Variants in RASSF2 observed in about 807,000 individuals in gnomAD.
RASSF2 encodes the protein ras association domain-containing protein 2.
A neutral mutation model predicts 46.3 loss-of-function variants in RASSF2; 34 were observed. That is an observed-to-expected ratio of 0.73 (90% CI 0.56 to 0.98). RASSF2 has a LOEUF of 0.98. Among genes scored for constraint, RASSF2 ranks in the 50% least tolerant of loss-of-function variants. The probability of loss-of-function intolerance (pLI) is 0.00; values close to 1 mark genes in which losing one functional copy is unlikely to be tolerated. For synonymous variants in RASSF2, 158 were observed against 162.5 expected (o/e 0.97, Z 0.21); for missense variants, 364 against 431.2 (o/e 0.84, Z 1.38).
chr20:4,822,400 A>G lies in RASSF2; in HGVS notation c.-104T>C, dbSNP rs1466514136. ...CACGTTCTAGGCGCCGGGATTCCAGATACCTGGGAAATAGAGTGCACGCAG... is the reference window on the plus strand; with the variant it reads ...CACGTTCTAGGCGCCGGGATTCCAGGTACCTGGGAAATAGAGTGCACGCAG... On this transcript the variant is annotated 5_prime_UTR_variant, in exon 2 of 12. Transcript: ENST00000379400. 1 of 144,218 alleles carries G rather than the reference A, an allele frequency of 6.9e-6. No homozygotes were observed. Among genetic ancestry groups the G allele is most frequent in the Non-Finnish European group, 1.5e-5 (1 of 65,898 alleles). 8.9% of individuals were successfully genotyped at this position (144,218 alleles called of 1,614,324 possible).
intron 9 of RASSF2, 138 bp from the exon 10 acceptor site, chr20:4,787,892 A>G: frequency 8.8e-7 from 1 of 1,137,754 alleles, no homozygotes; most frequent in Non-Finnish European, 1.2e-6. Context: ...ACTATTCCAT[A>G]GGTGTTGTGA....
At chr20:4,788,843 T>C (rs1217888026) in intron 8 of RASSF2, among the ~76,000 whole-genome samples, 1 of 152,176 alleles carries the variant, frequency 6.6e-6, no homozygotes, top group Non-Finnish European at 1.5e-5. Context: ...CCAGGCATAG[T>C]TCTACAAATG....
chr20:4,823,412 G>A (rs150253173), intron 1 of RASSF2, 145 bp downstream of exon 1: 2,389 of 152,422 alleles, frequency 0.016, 24 homozygotes, highest in Middle Eastern at 0.041. Context: ...GCTGCGCCTC[G>A]GCCAGCGATC....
In RASSF2 at chr20:4,780,906, T is replaced by C. The variant is rs959260362; in HGVS notation, c.*3367A>G. The C allele has an allele frequency of 1.3e-5, 2 of 151,860 alleles. No individual in the cohort carries two copies. The highest frequency in any genetic ancestry group is 6.6e-5 in the Admixed American group (1 of 15,246). 9.4% of individuals were successfully genotyped at this position (151,860 alleles called of 1,614,324 possible). Reference sequence around the variant, plus strand: ...ATCACTTGAACCCCAGAGGCGGATGTTGCAGTGAGCTGAGATCCCACCACT... The same window carrying C: ...ATCACTTGAACCCCAGAGGCGGATGCTGCAGTGAGCTGAGATCCCACCACT... On this transcript the variant is annotated 3_prime_UTR_variant, in exon 12 of 12. Transcript: ENST00000379400.
chr20:4,788,171 T>C lies in RASSF2; in HGVS notation c.691+46A>G, dbSNP rs759946537. On this transcript the variant is annotated intron_variant, in intron 9 of 11. Transcript: ENST00000379400. ...GAGGTATTTTTTTAACTTGCTATTT[T>C]GAGTTAATTAGAAGTTTTAAAGTAC... 2.7e-6 allele frequency: 4 copies of C among 1,477,868 alleles called. No homozygotes were observed. In the Admixed American group the frequency reaches 5.3e-5, roughly 20 times the overall value. The allele number at this position is 1,477,868 out of a possible 1,614,324, so 91.5% of individuals were successfully genotyped here.
At position 4,786,271 on chromosome 20, in the gene RASSF2, G is replaced by C. The variant is rs1421109703; in HGVS notation, c.871C>G (p.Gln291Glu). Residue 291 changes from glutamine (Q) to glutamate (E), a missense_variant, in exon 11 of 12, where the codon CAG becomes GAG. Transcript: ENST00000379400. ...PVLKSFIQKL[Q>E]EEEDREVKKL... ...TTTACTTCCCGATCTTCTTCCTCCT[G>C]GAGCTTCTGAATGAAGCTTTTAAGT... 6.2e-7 allele frequency: 1 copy of C among 1,613,620 alleles called. No homozygotes were observed. The highest frequency in any genetic ancestry group is 1.7e-5 in the Admixed American group (1 of 60,016).
In RASSF2 at chr20:4,784,329, G is replaced by A. The variant is rs150625510; in HGVS notation, c.925C>T (p.Arg309Trp). The A allele has an allele frequency of 1.7e-5, 28 of 1,613,598 alleles. No homozygotes were observed. The highest frequency in any genetic ancestry group is 2.7e-5 in the African/African-American group (2 of 74,812). The change falls in exon 12 of 12, where the codon CGG becomes TGG. Residue 309 changes from arginine to tryptophan, a missense_variant. Arg to Trp is a moderately radical substitution (Grantham distance 101). Coordinates refer to ENST00000379400, the MANE Select transcript of RASSF2 (RefSeq NM_014737.3). Reference sequence around the variant, plus strand: ...TCCAGCCTCTGTCGAATCATTAGCCGGAGCACGGTGTACCTGGAGACAAGA... The same window carrying A: ...TCCAGCCTCTGTCGAATCATTAGCCAGAGCACGGTGTACCTGGAGACAAGA... ...KKLMRKYTVLRLMIRQRLEEI... is the reference protein window; with the variant it reads ...KKLMRKYTVLWLMIRQRLEEI...
Position 4,780,321 on chromosome 20 carries a change from A to G in RASSF2, c.*3952T>C, listed in dbSNP as rs1355702761. The stretch of plus-strand genomic sequence containing the variant: ...GGAAACAGGTCTGCGATCTGCAGGG[A>G]AGACTCCAAAGGTAAACTGAGGGTT... On this transcript the variant is annotated 3_prime_UTR_variant, in exon 12 of 12. Coordinates refer to ENST00000379400, the MANE Select transcript of RASSF2 (RefSeq NM_014737.3). 6.6e-6 allele frequency: 1 copy of G among 152,206 alleles called. No individual in the cohort carries two copies. The highest frequency in any genetic ancestry group is 2.4e-5 in the African/African-American group (1 of 41,456). 9.4% of individuals were successfully genotyped at this position (152,206 alleles called of 1,614,324 possible). A position where few individuals can be genotyped will look rare whatever the true frequency, so the allele number is the denominator to read the frequency against.
At chr20:4,822,486 G>T (rs1248126880) in intron 1 of RASSF2, 83 bp from the exon 2 acceptor site, 1 of 152,364 alleles carries the variant, frequency 6.6e-6, no homozygotes, top group Non-Finnish European at 1.5e-5. Flanking sequence ...GCTGTGGACA[G>T]CCCAGACCCA....
chr20:4,822,776 G>C (rs535623520), intron 1 of RASSF2, among the ~76,000 whole-genome samples: 294 of 152,270 alleles, frequency 1.9e-3, no homozygotes, highest in African/African-American at 6.9e-3. Context: ...GCGCCCCTCT[G>C]AAGCGCGCCG....
At chr20:4,807,290 A>G (rs929432004) in intron 2 of RASSF2, among the ~76,000 whole-genome samples, 1 of 151,970 alleles carries the variant, frequency 6.6e-6, no homozygotes, top group Non-Finnish European at 1.5e-5. Flanking sequence ...AATGCTGAAG[A>G]AATTGATACC....
chr20:4,789,581 G>C lies in RASSF2; in HGVS notation c.639+15C>G, dbSNP rs769261997. On this transcript the variant is annotated intron_variant, in intron 8 of 11. Transcript: ENST00000379400. ...CTGTGACCCCATCTGTGGCCACTCAGCAAAGGGAACTTGCCTTAAATTTGT... is the reference window on the plus strand; with the variant it reads ...CTGTGACCCCATCTGTGGCCACTCACCAAAGGGAACTTGCCTTAAATTTGT... 6.2e-7 allele frequency: 1 copy of C among 1,610,262 alleles called. No individual in the cohort carries two copies. Among genetic ancestry groups the C allele is most frequent in the Non-Finnish European group, 8.5e-7 (1 of 1,176,536 alleles).
At chr20:4,813,381 C>G (rs530934776) in intron 2 of RASSF2, among the ~76,000 whole-genome samples, 2 of 152,364 alleles carry the variant, frequency 1.3e-5, no homozygotes, top group African/African-American at 4.8e-5. Flanking sequence ...CCCAAGCTGT[C>G]TGCACAGGCC....
chr20:4,799,811 G>T (rs1400683699), intron 3 of RASSF2, among the ~76,000 whole-genome samples: 1 of 152,176 alleles, frequency 6.6e-6, no homozygotes, highest in Non-Finnish European at 1.5e-5. Flanking sequence ...TAAATATTTC[G>T]TTAAGATAGA....
rs1185149921 is a variant in RASSF2, at chr20:4,787,731, C to T, written c.715G>A (p.Asp239Asn). ...AGGATTCGGGCAATCAGCGGGTAATCGGTGGCCTTCAGCTTCTGTTTCTCT... is the reference window on the plus strand; with the variant it reads ...AGGATTCGGGCAATCAGCGGGTAATTGGTGGCCTTCAGCTTCTGTTTCTCT... ...SGEKQKLKAT[D>N]YPLIARILQG... The change falls in exon 10 of 12, where the codon GAT (aspartate) becomes AAT (asparagine). Residue 239 changes from aspartate to asparagine, a missense_variant. Transcript: ENST00000379400. 5.0e-6 allele frequency: 8 copies of T among 1,614,024 alleles called. No homozygotes were observed. Among genetic ancestry groups the T allele is most frequent in the East Asian group, 4.5e-5 (2 of 44,874 alleles).
intron 2 of RASSF2, among the ~76,000 whole-genome samples, chr20:4,805,008 G>A (rs73893837): frequency 6.6e-6 from 1 of 152,006 alleles, no homozygotes; most frequent in Non-Finnish European, 1.5e-5. Flanking sequence ...GAAAGAGCAG[G>A]CAACTCGGAG....
chr20:4,788,117 C>A (rs934196794), intron 9 of RASSF2, 100 bp downstream of exon 9: 1 of 1,221,316 alleles, frequency 8.2e-7, no homozygotes. Flanking sequence ...TGGAAGTTTC[C>A]AAAACTCAAA....
At chr20:4,806,723 C>T (rs1035586273) in intron 2 of RASSF2, among the ~76,000 whole-genome samples, 4 of 152,196 alleles carry the variant, frequency 2.6e-5, no homozygotes, top group African/African-American at 4.8e-5. Context: ...GCTGGGATTA[C>T]AGTGAGCCAC....
At chr20:4,802,068 C>T (rs1926917205) in intron 2 of RASSF2, among the ~76,000 whole-genome samples, 1 of 151,744 alleles carries the variant, frequency 6.6e-6, no homozygotes, top group Non-Finnish European at 1.5e-5. Flanking sequence ...CTGGCCCATT[C>T]TTTTTTAATT....
Sources: gnomAD v4.1 joint callset for allele counts (sites outside exome capture counted in the v4.1 genomes callset) on GRCh38, gnomAD v4.1.1 for gene constraint, MANE v1.5 for transcripts, NCBI Gene and HGNC (gene_info 2026-07-23, HGNC 2026-07-21) for gene names.